Variants in CLDN16 observed in about 807,000 individuals in gnomAD.
CLDN16 encodes claudin-16.
CLDN16 carries 13 observed loss-of-function variants against 24.6 expected under a neutral mutation model. That is an observed-to-expected ratio of 0.53 (90% CI 0.34 to 0.84). The LOEUF is 0.84. Among genes scored for constraint, CLDN16 ranks in the 40% least tolerant of loss-of-function variants. CLDN16 has a pLI of 0.01. For missense variants in CLDN16, 298 were observed against 292.7 expected, an observed-to-expected ratio of 1.02 and a Z score of -0.13; for synonymous variants, 116 against 106.7, an observed-to-expected ratio of 1.09 and a Z score of -0.54.
chr3:190,404,755 C>G lies in CLDN16; in HGVS notation c.218-7C>G. 1 of 1,614,084 alleles carries G rather than the reference C, an allele frequency of 6.2e-7. No homozygotes were observed. Among genetic ancestry groups the G allele is most frequent in the East Asian group, 2.2e-5 (1 of 44,888 alleles). ...CTCTGCTTTAACCATATGCCCTGGTCTTCCAGTGAAGCTGGTGGTAACTCG... is the reference window on the plus strand; with the variant it reads ...CTCTGCTTTAACCATATGCCCTGGTGTTCCAGTGAAGCTGGTGGTAACTCG... On this transcript the variant is annotated splice_region_variant and splice_polypyrimidine_tract_variant and intron_variant, in intron 2 of 4. Transcript: ENST00000264734.
the CLDN16 span, among the ~76,000 whole-genome samples, chr3:190,314,999 C>G: frequency 1.3e-5 from 2 of 152,242 alleles, no homozygotes; most frequent in South Asian, 4.1e-4. Context: ...CAACTTTTTC[C>G]TTGGAATCAC....
intron 1 of CLDN16, among the ~76,000 whole-genome samples, chr3:190,348,704 T>A (rs1016762090): frequency 1.3e-5 from 2 of 152,212 alleles, no homozygotes; most frequent in African/African-American, 4.8e-5. Context: ...CATGTGCAGG[T>A]CTGTTACACA....
rs116500165 is a variant in CLDN16, at chr3:190,406,546, T to C, written c.382+1620T>C. Among the ~76,000 whole-genome samples, 380 of 152,250 alleles carry C rather than the reference T, an allele frequency of 2.5e-3. 4 individuals are homozygous for C. Among genetic ancestry groups the C allele is most frequent in the African/African-American group, 8.4e-3 (350 of 41,552 alleles). On this transcript the variant is annotated intron_variant, in intron 3 of 4. Transcript: ENST00000264734. ...AGGAATGACTGAAGAAATAACTAAA[T>C]TGAAAGACAAAGCATGTCCTAAGCT...
Position 190,402,432 on chromosome 3 carries a change from G to T in CLDN16, c.210G>T (p.Glu70Asp), listed in dbSNP as rs758799163. The stretch of plus-strand genomic sequence containing the variant: ...ATGAGTACGATTCCATACTTGCGGA[G>T]CATCCCTGTACGTATGCCTTAGAGC... ...TCDEYDSILA[E>D]HPLKLVVTRA... Residue 70 changes from glutamate (E) to aspartate (D), a missense_variant, in exon 2 of 5, where the codon GAG becomes GAT. Coordinates refer to ENST00000264734, the MANE Select transcript of CLDN16 (RefSeq NM_006580.4). 5.6e-6 allele frequency: 9 copies of T among 1,612,466 alleles called. No individual in the cohort carries two copies. Among genetic ancestry groups the T allele is most frequent in the South Asian group, 2.2e-5 (2 of 91,058 alleles).
chr3:190,398,136 G>A (rs571949920), intron 1 of CLDN16, among the ~76,000 whole-genome samples: 1 of 152,168 alleles, frequency 6.6e-6, no homozygotes, highest in Non-Finnish European at 1.5e-5. Flanking sequence ...ACACTACAGG[G>A]CAGTCAGCTT....
intron 1 of CLDN16, among the ~76,000 whole-genome samples, chr3:190,365,751 G>A (rs114963761): frequency 2.2e-3 from 326 of 151,356 alleles, no homozygotes; most frequent in African/African-American, 7.6e-3. Context: ...TCCCAGATTC[G>A]CCAGTCTATT....
At chr3:190,388,055 C>T, upstream of CLDN16, 7 of 1,473,436 alleles carry the variant, frequency 4.8e-6, no homozygotes, top group Admixed American at 1.0e-4. Context: ...CTCTCTCCCC[C>T]ACCCGAAACA....
intron 1 of CLDN16, among the ~76,000 whole-genome samples, chr3:190,328,675 T>TA (rs200043866): frequency 0.06 from 8,594 of 142,390 alleles, 684 homozygotes; most frequent in African/African-American, 0.19. Context: ...ACATTCTACG[T>TA]AAAAAAAAAA....
chr3:190,316,000 A>G, the CLDN16 span, among the ~76,000 whole-genome samples: 2 of 152,208 alleles, frequency 1.3e-5, no homozygotes, highest in East Asian at 3.9e-4. Flanking sequence ...TAAGTTCTCA[A>G]AGAAAACACA....
At chr3:190,342,300 G>A (rs1040168270) in intron 1 of CLDN16, among the ~76,000 whole-genome samples, 3 of 152,168 alleles carry the variant, frequency 2.0e-5, no homozygotes, top group Admixed American at 2.0e-4. Flanking sequence ...GTTCCACATG[G>A]CTGGGGATGC....
At chr3:190,322,045 G>T (rs1421996539), upstream of CLDN16, 1 of 1,614,238 alleles carries the variant, frequency 6.2e-7, no homozygotes, top group Non-Finnish European at 8.5e-7. Context: ...TCTGCGACAC[G>T]CAGGACATCC....
intron 1 of CLDN16, among the ~76,000 whole-genome samples, chr3:190,335,527 A>G (rs1717281203): frequency 6.6e-6 from 1 of 151,940 alleles, no homozygotes; most frequent in African/African-American, 2.4e-5. Flanking sequence ...ATCCTGGCCA[A>G]CATGGTGAAA....
chr3:190,301,515 G>GAAA, the CLDN16 span, among the ~76,000 whole-genome samples: 3 of 151,842 alleles, frequency 2.0e-5, no homozygotes, highest in Non-Finnish European at 4.4e-5. Context: ...AGAAGAAGAA[G>GAAA]AAGGGGAAGG....
chr3:190,397,896 A>G (rs1028600173), intron 1 of CLDN16, among the ~76,000 whole-genome samples: 2 of 152,160 alleles, frequency 1.3e-5, no homozygotes, highest in Non-Finnish European at 2.9e-5. Flanking sequence ...AGATGGAAAT[A>G]CTCTTATTTG....
chr3:190,297,178 T>TGG, the CLDN16 span, among the ~76,000 whole-genome samples: 1 of 151,426 alleles, frequency 6.6e-6, no homozygotes, highest in Non-Finnish European at 1.5e-5. Flanking sequence ...TTGCTTCCAG[T>TGG]CTTATGAAGA....
chr3:190,314,539 C>A, the CLDN16 span, among the ~76,000 whole-genome samples: 1 of 150,804 alleles, frequency 6.6e-6, no homozygotes, highest in Non-Finnish European at 1.5e-5. Context: ...GGACTGCAGG[C>A]ACGAACCACC....
At chr3:190,295,930 T>C in the CLDN16 span, among the ~76,000 whole-genome samples, 3 of 152,206 alleles carry the variant, frequency 2.0e-5, no homozygotes, top group Non-Finnish European at 2.9e-5. Flanking sequence ...TCAGTTCTGC[T>C]CTTTTCATAG....
intron 1 of CLDN16, among the ~76,000 whole-genome samples, chr3:190,367,785 A>G (rs6803800): frequency 0.92 from 139,561 of 151,948 alleles, 64,128 homozygotes; most frequent in East Asian, 1. Context: ...AATTTTTAGT[A>G]TCAGCAAGGT....
At chr3:190,356,948 C>T (rs1425807125) in intron 1 of CLDN16, among the ~76,000 whole-genome samples, 2 of 151,802 alleles carry the variant, frequency 1.3e-5, no homozygotes, top group East Asian at 1.9e-4. Flanking sequence ...GCATATAATT[C>T]GCTATGTAGA....
Sources: gnomAD v4.1 joint callset for allele counts (sites outside exome capture counted in the v4.1 genomes callset) on GRCh38, gnomAD v4.1.1 for gene constraint, MANE v1.5 for transcripts, NCBI Gene and HGNC (gene_info 2026-07-23, HGNC 2026-07-21) for gene names.